Variants in ZSCAN31 observed in about 807,000 individuals in gnomAD.
ZSCAN31 encodes zinc finger and SCAN domain-containing protein 31.
A neutral mutation model predicts 22.5 loss-of-function variants in ZSCAN31; 14 were observed. The observed-to-expected ratio is 0.62, with a 90% CI of 0.41 to 0.97. The LOEUF is 0.97. ZSCAN31 is among the 50% of genes least tolerant of loss of function. ZSCAN31 has a pLI of 0.00. For synonymous variants in ZSCAN31, 168 were observed against 169.8 expected (o/e 0.99, Z 0.08); for missense variants, 424 against 483.4 (o/e 0.88, Z 1.15).
intron 2 of ZSCAN31, among the ~76,000 whole-genome samples, chr6:28,352,220 T>C (rs1218903069): frequency 1.3e-5 from 2 of 152,338 alleles, no homozygotes; most frequent in East Asian, 3.9e-4. Context: ...CTTTAACTTA[T>C]TAGATCTCAA....
At chr6:28,343,382 G>A (rs910833887) in intron 2 of ZSCAN31, among the ~76,000 whole-genome samples, 2 of 151,978 alleles carry the variant, frequency 1.3e-5, no homozygotes, top group Non-Finnish European at 2.9e-5. Flanking sequence ...ATGAAGGGTG[G>A]TAGACATGAT....
intron 2 of ZSCAN31, among the ~76,000 whole-genome samples, chr6:28,342,733 T>A (rs1052836566): frequency 1.3e-5 from 2 of 152,204 alleles, no homozygotes; most frequent in African/African-American, 4.8e-5. Flanking sequence ...AGTACTTTTT[T>A]AAAAATCAAG....
intron 2 of ZSCAN31, 27 bp from the exon 3 acceptor site, chr6:28,327,560 A>G (rs6922161): frequency 0.012 from 19,536 of 1,607,616 alleles, 701 homozygotes; most frequent in African/African-American, 0.11. Context: ...ATATTTGGTT[A>G]AAGAGGGGGA....
intron 1 of ZSCAN31, among the ~76,000 whole-genome samples, chr6:28,334,984 T>C (rs1764030230): frequency 6.6e-6 from 1 of 152,220 alleles, no homozygotes; most frequent in South Asian, 2.1e-4. Context: ...AAACATTGCA[T>C]AATGTTGACT....
At position 28,351,083 on chromosome 6, in the gene ZSCAN31, C is replaced by G. The variant is rs754648969; in HGVS notation, c.-371+2779G>C. On this transcript the variant is annotated intron_variant, in intron 2 of 7. Coordinates refer to the ZSCAN31 transcript ENST00000396838. This position sits in a 1 kb window ranked among gnomAD's most constrained non-coding sequence, Gnocchi z 4.6. ...TTCAACCCAACTTTTACAGGGTTAG[C>G]TCTTTCATAGACTTGTAACTCTTTT... 6.6e-6 allele frequency among the ~76,000 whole-genome samples: 1 copy of G among 152,150 alleles called. No individual in the cohort carries two copies. The highest frequency in any genetic ancestry group is 1.5e-5 in the Non-Finnish European group (1 of 68,038).
At chr6:28,353,804 T>C (rs1765226450) in intron 2 of ZSCAN31, 1 of 456,608 alleles carries the variant, frequency 2.2e-6, no homozygotes, top group Non-Finnish European at 4.4e-6. Context: ...CCTACTCTTA[T>C]TTAAAAAAAG....
chr6:28,350,565 C>G (rs1764931816), intron 2 of ZSCAN31, among the ~76,000 whole-genome samples: 1 of 152,170 alleles, frequency 6.6e-6, no homozygotes, highest in Admixed American at 6.5e-5. Flanking sequence ...ATAATATTCC[C>G]TAACTCACTG....
chr6:28,338,627 C>T (rs954414917), upstream of ZSCAN31, among the ~76,000 whole-genome samples: 2 of 152,000 alleles, frequency 1.3e-5, no homozygotes, highest in African/African-American at 4.8e-5. Flanking sequence ...CCACATCCAG[C>T]TATACTACAA....
At chr6:28,338,915 G>T (rs946140516), upstream of ZSCAN31, among the ~76,000 whole-genome samples, 2 of 152,192 alleles carry the variant, frequency 1.3e-5, no homozygotes, top group African/African-American at 4.8e-5. Flanking sequence ...TGAGCTACAA[G>T]ATTTCAGGAC....
At chr6:28,329,902 C>G (rs1763613943) in intron 1 of ZSCAN31, 124 bp from the exon 2 acceptor site, 1 of 509,812 alleles carries the variant, frequency 2.0e-6, no homozygotes, top group Non-Finnish European at 3.3e-6. Context: ...TAGTTACTGA[C>G]TTACATATGT....
chr6:28,330,410 T>C (rs1413105952), intron 1 of ZSCAN31, among the ~76,000 whole-genome samples: 1 of 152,214 alleles, frequency 6.6e-6, no homozygotes, highest in African/African-American at 2.4e-5. Flanking sequence ...CACATTATTA[T>C]GGCAATAGAT....
At chr6:28,345,432 G>A (rs933365385) in intron 2 of ZSCAN31, among the ~76,000 whole-genome samples, 1 of 152,164 alleles carries the variant, frequency 6.6e-6, no homozygotes, top group African/African-American at 2.4e-5. Context: ...AGAGATGGAG[G>A]CTATCTATGC....
At chr6:28,329,896 T>TA in intron 1 of ZSCAN31, 118 bp from the exon 2 acceptor site, 1 of 534,936 alleles carries the variant, frequency 1.9e-6, no homozygotes, top group Non-Finnish European at 3.1e-6. Context: ...TATATATAGT[T>TA]ACTGACTTAC....
At position 28,331,144 on chromosome 6, in the gene ZSCAN31, A is replaced by G. The variant is rs951625186; in HGVS notation, c.-95-1366T>C. 3.9e-5 allele frequency among the ~76,000 whole-genome samples: 6 copies of G among 152,286 alleles called. No homozygotes were observed. Among genetic ancestry groups the G allele is most frequent in the Admixed American group, 2.0e-4 (3 of 15,304 alleles). ...ACTTTATGGAAAACTGAGAGGCATCAAGGCTTTTATTTCATTGTTATGGTG... is the reference window on the plus strand; with the variant it reads ...ACTTTATGGAAAACTGAGAGGCATCGAGGCTTTTATTTCATTGTTATGGTG... On this transcript the variant is annotated intron_variant, in intron 1 of 3. Coordinates refer to ENST00000344279, the MANE Select transcript of ZSCAN31 (RefSeq NM_030899.5). The surrounding 1 kb of genome is among the most constrained non-coding windows in gnomAD (Gnocchi z 4.8).
At position 28,327,249 on chromosome 6, in the gene ZSCAN31, C is replaced by T. The variant is rs753545372; in HGVS notation, c.532+134G>A. 846 of 1,060,362 alleles carry T rather than the reference C, an allele frequency of 8.0e-4. 1 individual carries two copies. The highest frequency in any genetic ancestry group is 3.1e-3 in the Middle Eastern group (12 of 3,904). The allele number at this position is 1,060,362 out of a possible 1,614,324, so 65.7% of individuals were successfully genotyped here. A position where few individuals can be genotyped will look rare whatever the true frequency, so the allele number is the denominator to read the frequency against. ...GGCACAGGGAGGTTACCTGACTTGT[C>T]CATTGTCACAGAACTATTAAATGCA... On this transcript the variant is annotated intron_variant, in intron 3 of 3. Coordinates refer to ENST00000344279, the MANE Select transcript of ZSCAN31 (RefSeq NM_030899.5).
Position 28,326,379 on chromosome 6 carries a change from T to C in ZSCAN31, c.1008A>G (p.Ser336=). The C allele has an allele frequency of 6.8e-6, 11 of 1,614,110 alleles. No homozygotes were observed. Among genetic ancestry groups the C allele is most frequent in the Non-Finnish European group, 7.6e-6 (9 of 1,179,920 alleles). The change falls in exon 4 of 4, where the codon TCA becomes TCG. Residue 336 remains serine, a synonymous_variant. Coordinates refer to ENST00000344279, the MANE Select transcript of ZSCAN31 (RefSeq NM_030899.5). ...KVCGKAFLLS[S]CLVQHQRIHT... The stretch of plus-strand genomic sequence containing the variant: ...GTATCCTCTGATGCTGAACAAGGCA[T>C]GAGCTGAGGAGGAAAGCCTTCCCAC...
chr6:28,344,848 G>T (rs1764572084), intron 2 of ZSCAN31, among the ~76,000 whole-genome samples: 1 of 151,900 alleles, frequency 6.6e-6, no homozygotes, highest in South Asian at 2.1e-4. Flanking sequence ...AAAAAAATTG[G>T]GCCAGACATG....
At position 28,331,014 on chromosome 6, in the gene ZSCAN31, T is replaced by C. The variant is rs1763698383; in HGVS notation, c.-95-1236A>G. ...GATAAAGACAGGCAAAGCTGAACTA[T>C]AGAATATGGGTTGTGGGTAAAATTG... On this transcript the variant is annotated intron_variant, in intron 1 of 3. Transcript: ENST00000344279. The surrounding 1 kb of genome is among the most constrained non-coding windows in gnomAD (Gnocchi z 4.8). 6.6e-6 allele frequency among the ~76,000 whole-genome samples: 1 copy of C among 152,120 alleles called. No homozygotes were observed. The highest frequency in any genetic ancestry group is 2.4e-5 in the African/African-American group (1 of 41,416).
chr6:28,353,413 C>T (rs1356693558), intron 2 of ZSCAN31: 1 of 155,914 alleles, frequency 6.4e-6, no homozygotes, highest in Non-Finnish European at 1.4e-5. Flanking sequence ...TTTCCCTTCC[C>T]TCTTAGATCA....
Sources: gnomAD v4.1 joint callset for allele counts (sites outside exome capture counted in the v4.1 genomes callset) on GRCh38, gnomAD v4.1.1 for gene constraint, Gnocchi (gnomAD v3.1) non-coding constraint, MANE v1.5 for transcripts, NCBI Gene and HGNC (gene_info 2026-07-23, HGNC 2026-07-21) for gene names.